FABP7: variants seen among roughly 807,000 people sequenced by gnomAD.
FABP7 encodes the protein fatty acid binding protein 7.
A neutral mutation model predicts 14.2 loss-of-function variants in FABP7; 13 were observed. The observed-to-expected ratio is 0.91, with a 90% CI of 0.59 to 1.45. The LOEUF (loss-of-function observed/expected upper bound fraction) is 1.45, where lower values mean the gene tolerates loss of function less well. FABP7 is among the 40% of genes most tolerant of loss of function. The pLI, the probability that FABP7 is intolerant of heterozygous loss-of-function variation, is 0.00. For synonymous variants in FABP7, 49 were observed against 51.4 expected, an observed-to-expected ratio of 0.95 and a Z score of 0.20; for missense variants, 149 against 157.6, an observed-to-expected ratio of 0.95 and a Z score of 0.29.
At chr6:122,781,818 T>G (rs531384026) in intron 3 of FABP7, 1 of 581,598 alleles carries the variant, frequency 1.7e-6, no homozygotes, top group South Asian at 7.7e-5. Context: ...CTTGGCTCAC[T>G]GCAACCTCTG....
At chr6:122,766,244 C>T in the FABP7 span, among the ~76,000 whole-genome samples, 10 of 152,088 alleles carry the variant, frequency 6.6e-5, no homozygotes, top group African/African-American at 2.2e-4. Flanking sequence ...GTTGCTGCTT[C>T]AAGTGGTTTT....
chr6:122,783,385 T>A, intron 3 of FABP7: 1 of 984,882 alleles, frequency 1.0e-6, no homozygotes, highest in Non-Finnish European at 1.2e-6. Flanking sequence ...TAAAACTCAT[T>A]CACTTTTAAA....
chr6:122,753,671 A>G, the FABP7 span, among the ~76,000 whole-genome samples: 1 of 152,146 alleles, frequency 6.6e-6, no homozygotes, highest in Admixed American at 6.5e-5. Context: ...ATGAAGCAAC[A>G]AAAGAACGAA....
chr6:122,754,018 T>G, the FABP7 span, among the ~76,000 whole-genome samples: 1 of 152,100 alleles, frequency 6.6e-6, no homozygotes, highest in Non-Finnish European at 1.5e-5. Flanking sequence ...CTTTTATTAC[T>G]TAGGCATGGA....
At chr6:122,761,784 A>T in the FABP7 span, among the ~76,000 whole-genome samples, 2 of 152,208 alleles carry the variant, frequency 1.3e-5, no homozygotes, top group African/African-American at 4.8e-5. Context: ...TCTAAATGAG[A>T]AGACTTCATA....
the FABP7 span, among the ~76,000 whole-genome samples, chr6:122,768,714 G>A: frequency 9.9e-5 from 15 of 152,078 alleles, no homozygotes; most frequent in African/African-American, 3.4e-4. Flanking sequence ...ACTAACCAAC[G>A]GGTATGATTA....
chr6:122,749,372 A>T, the FABP7 span, among the ~76,000 whole-genome samples: 1 of 152,198 alleles, frequency 6.6e-6, no homozygotes, highest in Admixed American at 6.5e-5. Context: ...AAAACATTTT[A>T]TGATGCTGCC....
At chr6:122,760,662 A>G in the FABP7 span, among the ~76,000 whole-genome samples, 1 of 152,038 alleles carries the variant, frequency 6.6e-6, no homozygotes, top group Admixed American at 6.6e-5. Context: ...TATGAAAAAT[A>G]TGATTGGGGA....
At chr6:122,762,142 T>C in the FABP7 span, among the ~76,000 whole-genome samples, 10 of 152,122 alleles carry the variant, frequency 6.6e-5, no homozygotes, top group African/African-American at 2.4e-4. Context: ...AAATCCTCAA[T>C]AAAATACTGG....
chr6:122,775,775 A>C (rs977330832), upstream of FABP7, among the ~76,000 whole-genome samples: 4 of 152,088 alleles, frequency 2.6e-5, no homozygotes, highest in African/African-American at 9.7e-5. Context: ...AATATTTGGA[A>C]GCTATCCATC....
At chr6:122,762,389 C>G in the FABP7 span, among the ~76,000 whole-genome samples, 1 of 152,146 alleles carries the variant, frequency 6.6e-6, no homozygotes, top group Non-Finnish European at 1.5e-5. Context: ...TGGGACATAT[C>G]TCAAAATAAT....
the FABP7 span, among the ~76,000 whole-genome samples, chr6:122,757,165 C>T: frequency 6.6e-6 from 1 of 152,162 alleles, no homozygotes; most frequent in Admixed American, 6.5e-5. Flanking sequence ...CGTCTGATAT[C>T]TGCCTTGAGT....
rs752331163 is a variant in FABP7, at chr6:122,781,077, T to G, written c.247-16T>G. 2.5e-6 allele frequency: 4 copies of G among 1,605,998 alleles called. No homozygotes were observed. The South Asian group carries it at 4.4e-5, about 18-fold the overall frequency. ...TGTATTTATTGCTATGTTCTGCATT[T>G]TGTTGTTGGTCTCAGTCTGTTGTTA... On this transcript the variant is annotated splice_polypyrimidine_tract_variant and intron_variant, in intron 2 of 3. Coordinates refer to ENST00000368444, the MANE Select transcript of FABP7 (RefSeq NM_001446.5).
At chr6:122,778,571 G>C (rs1780712932), upstream of FABP7, among the ~76,000 whole-genome samples, 1 of 152,206 alleles carries the variant, frequency 6.6e-6, no homozygotes, top group Non-Finnish European at 1.5e-5. Context: ...CCCAGGAGAG[G>C]CAGGTAAGCT....
At chr6:122,769,011 T>C in the FABP7 span, among the ~76,000 whole-genome samples, 1 of 152,174 alleles carries the variant, frequency 6.6e-6, no homozygotes, top group African/African-American at 2.4e-5. Context: ...GACTCAAAAA[T>C]GCCTCCTGTC....
chr6:122,761,698 C>T, the FABP7 span, among the ~76,000 whole-genome samples: 2 of 152,046 alleles, frequency 1.3e-5, no homozygotes, highest in Admixed American at 1.3e-4. Flanking sequence ...ATAACACATA[C>T]TTAAATGTAG....
the FABP7 span, among the ~76,000 whole-genome samples, chr6:122,767,950 G>A: frequency 3.6e-4 from 55 of 152,074 alleles, no homozygotes; most frequent in African/African-American, 1.3e-3. Context: ...TTTAAAGAAA[G>A]TGAAAGTAAG....
the FABP7 span, among the ~76,000 whole-genome samples, chr6:122,755,940 C>T: frequency 6.6e-6 from 1 of 152,106 alleles, no homozygotes; most frequent in East Asian, 1.9e-4. Context: ...AGAGTCACAG[C>T]GGCTGCAGTC....
At chr6:122,750,610 G>T in the FABP7 span, among the ~76,000 whole-genome samples, 181 of 152,216 alleles carry the variant, frequency 1.2e-3, 1 homozygote, top group Non-Finnish European at 1.9e-3. Flanking sequence ...AGTGTATTTG[G>T]CAAGGTAGGG....
Sources: allele counts gnomAD v4.1 joint callset (sites outside exome capture counted in the v4.1 genomes callset), GRCh38; gene constraint gnomAD v4.1.1; transcripts MANE v1.5; gene names NCBI Gene and HGNC (gene_info 2026-07-23, HGNC 2026-07-21).